The following WDR72 variants were observed in gnomAD, a reference collection of about 807,000 sequenced individuals.
WDR72 encodes WD repeat domain 72, also known as WD repeat-containing protein 72.
A neutral mutation model predicts 124.2 loss-of-function variants in WDR72; 120 were observed. The observed-to-expected ratio is 0.97, with a 90% CI of 0.83 to 1.12. The LOEUF is 1.12. WDR72 is among the 50% of genes most tolerant of loss of function. WDR72 has a pLI of 0.00. For missense variants in WDR72, 1,387 were observed against 1,278.8 expected (o/e 1.08, Z -1.29); for synonymous variants, 452 against 441.7 (o/e 1.02, Z -0.29).
intron 14 of WDR72, among the ~76,000 whole-genome samples, chr15:53,649,892 T>C (rs1224156438): frequency 1.3e-5 from 2 of 152,068 alleles, no homozygotes; most frequent in Non-Finnish European, 2.9e-5. Context: ...TGGAGGTTCC[T>C]CAAAAAATTA....
intron 14 of WDR72, among the ~76,000 whole-genome samples, chr15:53,636,702 T>C (rs944011788): frequency 6.6e-6 from 1 of 152,144 alleles, no homozygotes; most frequent in Non-Finnish European, 1.5e-5. Flanking sequence ...CTTTAGAAAA[T>C]TCCAATGGAG....
chr15:53,607,762 A>G (rs901709622), intron 17 of WDR72, among the ~76,000 whole-genome samples: 1 of 152,178 alleles, frequency 6.6e-6, no homozygotes, highest in African/African-American at 2.4e-5. Flanking sequence ...TACCCATCTG[A>G]CAAGGGATTA....
At chr15:53,667,014 G>A (rs890061590) in intron 13 of WDR72, among the ~76,000 whole-genome samples, 1 of 152,080 alleles carries the variant, frequency 6.6e-6, no homozygotes. Flanking sequence ...TATCATACAA[G>A]CTTATAAACA....
intron 13 of WDR72, among the ~76,000 whole-genome samples, chr15:53,668,832 A>G (rs1300670984): frequency 1.3e-5 from 2 of 150,720 alleles, no homozygotes; most frequent in African/African-American, 2.4e-5. Context: ...CTTGAGCCAG[A>G]AAGTCGAGGC....
At chr15:53,591,224 C>G (rs1298361823) in intron 18 of WDR72, among the ~76,000 whole-genome samples, 1 of 152,036 alleles carries the variant, frequency 6.6e-6, no homozygotes, top group African/African-American at 2.4e-5. Context: ...ATCTGACACA[C>G]TTTTATGGTT....
At chr15:53,674,999 T>C (rs1224151043) in intron 13 of WDR72, among the ~76,000 whole-genome samples, 1 of 152,208 alleles carries the variant, frequency 6.6e-6, no homozygotes, top group African/African-American at 2.4e-5. Context: ...TGTGTAAAGA[T>C]AGCAAAGAAT....
chr15:53,754,111 C>T (rs2018839841), intron 1 of WDR72, among the ~76,000 whole-genome samples: 1 of 152,064 alleles, frequency 6.6e-6, no homozygotes, highest in Non-Finnish European at 1.5e-5. Flanking sequence ...AATTCAACTA[C>T]AGGGGTGGTT....
At chr15:53,717,417 T>C (rs1401437998) in intron 3 of WDR72, among the ~76,000 whole-genome samples, 4 of 152,148 alleles carry the variant, frequency 2.6e-5, no homozygotes, top group East Asian at 1.9e-4. Flanking sequence ...AAAAGTTTTA[T>C]AGGCCTTAAA....
Position 53,698,142 on chromosome 15 carries a change from T to C in WDR72, c.1765+1608A>G, listed in dbSNP as rs895408541. Among the ~76,000 whole-genome samples the C allele has an allele frequency of 1.1e-4, 16 of 152,306 alleles. 1 individual carries two copies. Among genetic ancestry groups the C allele is most frequent in the Admixed American group, 1.0e-3 (16 of 15,294 alleles). ...AAATACAGAATGGGAATAAATATAA[T>C]CTCAAGAAGTACTAATGGTTTGGCT... On this transcript the variant is annotated intron_variant, in intron 13 of 19. Transcript: ENST00000360509.
At chr15:53,574,078 A>G (rs1432626945) in intron 18 of WDR72, among the ~76,000 whole-genome samples, 1 of 152,164 alleles carries the variant, frequency 6.6e-6, no homozygotes, top group African/African-American at 2.4e-5. Flanking sequence ...CTTTAACTGT[A>G]TCTCTTGATG....
intron 3 of WDR72, 143 bp from the exon 4 acceptor site, chr15:53,716,828 T>A: frequency 1.4e-6 from 1 of 694,880 alleles, no homozygotes; most frequent in Non-Finnish European, 2.6e-6. Flanking sequence ...AATGTTGTGG[T>A]CATTAGCAGG....
chr15:53,590,724 T>C (rs2414246), intron 18 of WDR72, among the ~76,000 whole-genome samples: 125,713 of 152,024 alleles, frequency 0.83, 52,204 homozygotes, highest in Middle Eastern at 0.94. Flanking sequence ...GGACAAATTA[T>C]TTAACTTCTC....
chr15:53,676,508 G>C (rs1452387143), intron 13 of WDR72, among the ~76,000 whole-genome samples: 1 of 152,214 alleles, frequency 6.6e-6, no homozygotes, highest in Non-Finnish European at 1.5e-5. Context: ...AGTGGCAGGA[G>C]GCCATGAATA....
chr15:53,643,505 A>G (rs1173407694), intron 14 of WDR72, among the ~76,000 whole-genome samples: 1 of 152,042 alleles, frequency 6.6e-6, no homozygotes, highest in Non-Finnish European at 1.5e-5. Context: ...TTGAAGTCCA[A>G]AGCACCATGG....
intron 5 of WDR72, 22 bp downstream of exon 5, chr15:53,715,171 T>C: frequency 6.2e-7 from 1 of 1,612,348 alleles, no homozygotes. Flanking sequence ...CTCTCTACTG[T>C]CAGATAATAT....
chr15:53,737,079 G>A (rs1254894797), intron 1 of WDR72, among the ~76,000 whole-genome samples: 2 of 150,790 alleles, frequency 1.3e-5, no homozygotes, highest in African/African-American at 4.9e-5. Flanking sequence ...AGTCTTGGGA[G>A]AAGCAACACT....
intron 1 of WDR72, among the ~76,000 whole-genome samples, chr15:53,739,714 T>G (rs1347280140): frequency 6.6e-6 from 1 of 152,180 alleles, no homozygotes; most frequent in African/African-American, 2.4e-5. Flanking sequence ...CTTTTAGTAT[T>G]GAGACAACGA....
chr15:53,698,193 G>T (rs1353075919), intron 13 of WDR72, among the ~76,000 whole-genome samples: 1 of 152,114 alleles, frequency 6.6e-6, no homozygotes, highest in Non-Finnish European at 1.5e-5. Context: ...CTCTGGCAAA[G>T]AAATACATAA....
intron 18 of WDR72, among the ~76,000 whole-genome samples, chr15:53,534,366 A>C (rs1168790781): frequency 6.6e-6 from 1 of 152,156 alleles, no homozygotes; most frequent in African/African-American, 2.4e-5. Flanking sequence ...AGATAACTTT[A>C]TAAAATAATA....
Sources: gnomAD v4.1 joint callset for allele counts (sites outside exome capture counted in the v4.1 genomes callset) on GRCh38, gnomAD v4.1.1 for gene constraint, MANE v1.5 for transcripts, NCBI Gene and HGNC (gene_info 2026-07-23, HGNC 2026-07-21) for gene names.